The following BTBD8 variants were observed in gnomAD, a reference collection of about 807,000 sequenced individuals.
BTBD8 encodes BTB domain containing 8.
A neutral mutation model predicts 162.9 loss-of-function variants in BTBD8; 110 were observed. That is an observed-to-expected ratio of 0.68 (90% confidence interval 0.58 to 0.79). The LOEUF (loss-of-function observed/expected upper bound fraction) is 0.79, where lower values mean the gene tolerates loss of function less well. Ranked by LOEUF, BTBD8 falls within the 30% of genes least tolerant of loss-of-function variation. BTBD8 has a pLI of 0.00. For synonymous variants in BTBD8, 667 were observed against 716.1 expected (o/e 0.93, Z 1.10); for missense variants, 1,905 against 2,085.4 (o/e 0.91, Z 1.68).
At chr1:92,122,731 A>G (rs1649250305) in intron 4 of BTBD8, among the ~76,000 whole-genome samples, 1 of 151,192 alleles carries the variant, frequency 6.6e-6, no homozygotes, top group African/African-American at 2.4e-5. Flanking sequence ...TGCCTGGCTA[A>G]TTTTTGTACT....
At chr1:92,089,502 A>G (rs996814554) in intron 2 of BTBD8, among the ~76,000 whole-genome samples, 1 of 152,168 alleles carries the variant, frequency 6.6e-6, no homozygotes, top group African/African-American at 2.4e-5. Flanking sequence ...ATAACAAAAT[A>G]CCTTAGACTG....
At chr1:92,114,875 G>A in intron 4 of BTBD8, 1 of 329,846 alleles carries the variant, frequency 3.0e-6, no homozygotes, top group Non-Finnish European at 5.9e-6. Flanking sequence ...GTCATGCTGG[G>A]AAATGAGCTT....
intron 2 of BTBD8, among the ~76,000 whole-genome samples, chr1:92,101,653 A>G (rs1648594879): frequency 6.6e-6 from 1 of 152,106 alleles, no homozygotes; most frequent in South Asian, 2.1e-4. Flanking sequence ...AACATTTAAC[A>G]TTTTTATAGA....
intron 5 of BTBD8, among the ~76,000 whole-genome samples, chr1:92,133,009 A>T (rs565651768): frequency 6.6e-6 from 1 of 152,194 alleles, no homozygotes; most frequent in Non-Finnish European, 1.5e-5. Flanking sequence ...GATTGTCTCA[A>T]ATTATTAGCA....
rs367783088 is a variant in BTBD8 at position 92,080,718 on chromosome 1, C to T, written c.147C>T (p.Leu49=). The change falls in exon 1 of 18, where the codon CTC becomes CTT. Residue 49 remains leucine, a splice_region_variant and synonymous_variant. Coordinates refer to ENST00000636805, the MANE Select transcript of BTBD8 (RefSeq NM_001376131.1). Reference sequence around the variant, plus strand: ...CGGAGCAGCTCAGCCAGGATTTGCTCAGGTAGGAGGAGGCGGGAACTCTGG... The same window carrying T: ...CGGAGCAGCTCAGCCAGGATTTGCTTAGGTAGGAGGAGGCGGGAACTCTGG... ...TVSEQLSQDL[L]RLLREEFHTD... 3 of 1,609,320 alleles carry T rather than the reference C, an allele frequency of 1.9e-6. No individual in the cohort carries two copies. The highest frequency in any genetic ancestry group is 2.5e-6 in the Non-Finnish European group (3 of 1,178,312).
intron 2 of BTBD8, among the ~76,000 whole-genome samples, chr1:92,091,510 T>A (rs1349201181): frequency 6.6e-6 from 1 of 152,052 alleles, no homozygotes; most frequent in Non-Finnish European, 1.5e-5. Flanking sequence ...AGACAGGGTT[T>A]TGCTGTGTTT....
chr1:92,157,100 A>T (rs368801668), intron 9 of BTBD8, among the ~76,000 whole-genome samples: 2 of 151,924 alleles, frequency 1.3e-5, no homozygotes, highest in South Asian at 2.1e-4. Context: ...GCTACATCCC[A>T]TAAGTTTTGG....
Position 92,177,359 on chromosome 1 carries a change from C to G in BTBD8, c.2166C>G (p.Ile722Met). The G allele has an allele frequency of 6.4e-7, 1 of 1,551,762 alleles. No homozygotes were observed. Among genetic ancestry groups the G allele is most frequent in the Non-Finnish European group, 8.7e-7 (1 of 1,147,020 alleles). The change falls in exon 14 of 18, where the codon ATC becomes ATG. Residue 722 changes from isoleucine to methionine, a missense_variant. Physicochemically the swap from Ile to Met is conservative, Grantham distance 10 (BLOSUM62 1). Around this residue, in one of 3 missense-constraint regions of BTBD8, gnomAD observed 1,374 missense variants for 1,442.7 expected, o/e 0.95. Coordinates refer to ENST00000636805, the MANE Select transcript of BTBD8 (RefSeq NM_001376131.1). ...ATGKDSPCLS[I>M]AGPSSRSTDS... is the part of the protein sequence containing the mutation. Reference sequence around the variant, plus strand: ...GGAAGGATTCACCATGCCTCAGCATCGCAGGACCCTCCAGCAGATCCACAG... The same window carrying G: ...GGAAGGATTCACCATGCCTCAGCATGGCAGGACCCTCCAGCAGATCCACAG...
intron 6 of BTBD8, 198 bp downstream of exon 6, chr1:92,139,628 G>T: frequency 9.0e-7 from 1 of 1,114,304 alleles, no homozygotes; most frequent in East Asian, 3.8e-5. Flanking sequence ...TCAACTCACA[G>T]TAATAAGATT....
chr1:92,111,832 A>T (rs1318971817), intron 4 of BTBD8, among the ~76,000 whole-genome samples: 1 of 152,128 alleles, frequency 6.6e-6, no homozygotes, highest in Non-Finnish European at 1.5e-5. Flanking sequence ...CTTGTCTTAT[A>T]TCAGGGGGCA....
Position 92,177,004 on chromosome 1 carries a change from A to G in BTBD8, c.1811A>G (p.Gln604Arg). The change falls in exon 14 of 18, where the codon CAA becomes CGA. Residue 604 changes from glutamine to arginine, a missense_variant. Gln to Arg is a conservative substitution (Grantham distance 43, BLOSUM62 1). Around this residue, in one of 3 missense-constraint regions of BTBD8, gnomAD observed 1,374 missense variants for 1,442.7 expected, o/e 0.95. Transcript: ENST00000636805. ...AATAGTATAAATAAAACTCTGAAGC[A>G]AGATGATGTAAAGGAAAAAGATGGT... ...NRNSINKTLK[Q>R]DDVKEKDGTK... 1 of 1,548,060 alleles carries G rather than the reference A, an allele frequency of 6.5e-7. No individual in the cohort carries two copies.
intron 5 of BTBD8, among the ~76,000 whole-genome samples, chr1:92,135,854 A>G (rs996290311): frequency 3.9e-5 from 6 of 152,172 alleles, no homozygotes; most frequent in African/African-American, 1.4e-4. Context: ...TTAAGAAACT[A>G]TTATTTCAAC....
In BTBD8 at chr1:92,172,232, TA is replaced by T. The variant is rs528363156; in HGVS notation, c.1635+773del. Among the ~76,000 whole-genome samples the T allele has an allele frequency of 1.1e-3, 163 of 152,314 alleles. 1 individual carries two copies. Among genetic ancestry groups the T allele is most frequent in the African/African-American group, 3.4e-3 (141 of 41,572 alleles). On this transcript the variant is annotated intron_variant, in intron 13 of 17. Coordinates refer to ENST00000636805, the MANE Select transcript of BTBD8 (RefSeq NM_001376131.1). The stretch of plus-strand genomic sequence containing the variant: ...GAGGTATCTAAAGTAGTTGAATTCT[TA>T]GAAGGTAGTATTGTGGTTGCTGAAA...
chr1:92,169,471 C>A (rs573653212), intron 12 of BTBD8, among the ~76,000 whole-genome samples: 2 of 152,056 alleles, frequency 1.3e-5, no homozygotes, highest in East Asian at 3.9e-4. Flanking sequence ...TGTGCTATTG[C>A]GGACTGTCCC....
chr1:92,110,636 G>A (rs1420078844), intron 4 of BTBD8, among the ~76,000 whole-genome samples: 2 of 152,016 alleles, frequency 1.3e-5, no homozygotes, highest in Non-Finnish European at 2.9e-5. Context: ...TCCGCCTCCC[G>A]GGTTCACACC....
At chr1:92,100,713 G>A (rs1449200668) in intron 2 of BTBD8, among the ~76,000 whole-genome samples, 4 of 151,928 alleles carry the variant, frequency 2.6e-5, no homozygotes, top group African/African-American at 7.3e-5. Context: ...GGGTTCAAGC[G>A]ATTCTCCTGA....
intron 10 of BTBD8, 105 bp downstream of exon 10, chr1:92,167,245 A>C: frequency 2.2e-6 from 3 of 1,353,820 alleles, no homozygotes; most frequent in Non-Finnish European, 3.0e-6. Flanking sequence ...AATTAATGTG[A>C]TTTAAATAAA....
chr1:92,112,381 G>A (rs1648922778), intron 4 of BTBD8, among the ~76,000 whole-genome samples: 1 of 151,958 alleles, frequency 6.6e-6, no homozygotes, highest in Admixed American at 6.6e-5. Flanking sequence ...CCAGCCTTGG[G>A]AACAGAACAA....
intron 4 of BTBD8, among the ~76,000 whole-genome samples, chr1:92,111,040 G>C (rs181401630): frequency 6.6e-6 from 1 of 150,630 alleles, no homozygotes; most frequent in East Asian, 2.0e-4. Flanking sequence ...TGCCGAGGCT[G>C]GAGTGCAGTG....
Sources: allele counts gnomAD v4.1 joint callset (sites outside exome capture counted in the v4.1 genomes callset), GRCh38; gene constraint gnomAD v4.1.1; regional missense constraint gnomAD v4.1.1; transcripts MANE v1.5; gene names NCBI Gene and HGNC (gene_info 2026-07-23, HGNC 2026-07-21).